Variants in CTTNBP2NL observed in about 807,000 individuals in gnomAD.
CTTNBP2NL encodes the protein CTTNBP2 N-terminal-like protein.
In CTTNBP2NL, 16 loss-of-function variants were observed where a neutral mutation model predicts 32.5. That is an observed-to-expected ratio of 0.49 (90% CI 0.33 to 0.75). The LOEUF (loss-of-function observed/expected upper bound fraction) is 0.75, where lower values mean the gene tolerates loss of function less well. Among genes scored for constraint, CTTNBP2NL ranks in the 30% least tolerant of loss-of-function variants. CTTNBP2NL has a pLI of 0.02. For synonymous variants in CTTNBP2NL, 298 were observed against 289.4 expected (o/e 1.03, Z -0.30); for missense variants, 645 against 756.0 (o/e 0.85, Z 1.72).
chr1:112,396,843 C>T (rs1473821429), intron 1 of CTTNBP2NL, among the ~76,000 whole-genome samples: 1 of 152,192 alleles, frequency 6.6e-6, no homozygotes, highest in African/African-American at 2.4e-5. Context: ...CTCAGTCTTC[C>T]TCCCGCAGCC....
rs545529616 is a variant in CTTNBP2NL at position 112,442,395 on chromosome 1, T to G, written c.100-6547T>G. Among the ~76,000 whole-genome samples the G allele has an allele frequency of 5.9e-5, 9 of 152,350 alleles. No individual in the cohort carries two copies. In the South Asian group the frequency reaches 1.7e-3, roughly 28 times the overall value. The stretch of plus-strand genomic sequence containing the variant: ...GCCTCGGCCAAAAATAAATTATTTT[T>G]AAATTATACTTTAAAATTCTTAATT... On this transcript the variant is annotated intron_variant, in intron 3 of 5. Transcript: ENST00000271277.
intron 1 of CTTNBP2NL, among the ~76,000 whole-genome samples, chr1:112,409,253 G>A (rs1440988196): frequency 1.3e-5 from 2 of 151,766 alleles, no homozygotes; most frequent in Admixed American, 6.6e-5. Context: ...CTTAATCTGA[G>A]TCATTTGTAG....
chr1:112,439,760 C>T (rs1478775122), intron 3 of CTTNBP2NL, among the ~76,000 whole-genome samples: 1 of 152,176 alleles, frequency 6.6e-6, no homozygotes, highest in African/African-American at 2.4e-5. Flanking sequence ...TACCCGAACC[C>T]TGCCAACCTC....
At chr1:112,436,822 T>C (rs1371942326) in intron 3 of CTTNBP2NL, among the ~76,000 whole-genome samples, 1 of 152,160 alleles carries the variant, frequency 6.6e-6, no homozygotes, top group African/African-American at 2.4e-5. Context: ...CACTGTCAAA[T>C]AGTCCCCAGT....
chr1:112,392,529 C>G (rs947075882), upstream of CTTNBP2NL, among the ~76,000 whole-genome samples: 3 of 152,064 alleles, frequency 2.0e-5, no homozygotes, highest in Non-Finnish European at 4.4e-5. Flanking sequence ...TGATGTCCCC[C>G]CAAAATTCAT....
intron 1 of CTTNBP2NL, among the ~76,000 whole-genome samples, chr1:112,407,326 G>C (rs1246014455): frequency 1.3e-5 from 2 of 152,172 alleles, no homozygotes; most frequent in Non-Finnish European, 2.9e-5. Flanking sequence ...AGATGGGGTG[G>C]CTTAAAAAAT....
intron 1 of CTTNBP2NL, among the ~76,000 whole-genome samples, chr1:112,400,294 TTC>T (rs1557882443): frequency 6.6e-6 from 1 of 152,184 alleles, no homozygotes; most frequent in African/African-American, 2.4e-5. Context: ...GAGAAAAATT[TTC>T]TGTCTTCACC....
chr1:112,455,350 A>T (rs1650331902), intron 5 of CTTNBP2NL, among the ~76,000 whole-genome samples: 1 of 152,156 alleles, frequency 6.6e-6, no homozygotes, highest in South Asian at 2.1e-4. Context: ...TACTAAAAAT[A>T]CAAAATTAGG....
chr1:112,448,433 A>G (rs1557896915), intron 3 of CTTNBP2NL, among the ~76,000 whole-genome samples: 1 of 152,242 alleles, frequency 6.6e-6, no homozygotes, highest in Non-Finnish European at 1.5e-5. Flanking sequence ...TAAACTCATA[A>G]AATTATCATA....
At chr1:112,435,124 C>A (rs1467118602) in intron 3 of CTTNBP2NL, among the ~76,000 whole-genome samples, 2 of 115,374 alleles carry the variant, frequency 1.7e-5, no homozygotes, top group Non-Finnish European at 3.2e-5. Context: ...GCCTGGGCAG[C>A]AGAGCAAGAC....
chr1:112,401,012 A>G (rs2100989802), intron 1 of CTTNBP2NL, among the ~76,000 whole-genome samples: 1 of 151,918 alleles, frequency 6.6e-6, no homozygotes, highest in South Asian at 2.1e-4. Context: ...ATATACACAC[A>G]TACACGTGCA....
At chr1:112,453,447 T>C (rs1386520163) in intron 4 of CTTNBP2NL, among the ~76,000 whole-genome samples, 2 of 151,890 alleles carry the variant, frequency 1.3e-5, no homozygotes, top group Non-Finnish European at 2.9e-5. Context: ...ATGTGAAAAA[T>C]GTCTCTTTAA....
At chr1:112,412,613 T>G (rs1289956914) in intron 2 of CTTNBP2NL, among the ~76,000 whole-genome samples, 1 of 137,012 alleles carries the variant, frequency 7.3e-6, no homozygotes, top group Non-Finnish European at 1.6e-5. Context: ...GGTACCTTTT[T>G]TTTTTTTTTT....
chr1:112,452,335 C>CTTCTTTTTTTTTTTTTTTTTTT lies in CTTNBP2NL; in HGVS notation c.331-2112_331-2111insCTTTTTTTTTTTTTTTTTTTTT, dbSNP rs1553227272. On this transcript the variant is annotated intron_variant, in intron 4 of 5. Coordinates refer to ENST00000271277, the MANE Select transcript of CTTNBP2NL (RefSeq NM_018704.3). ...GCATACACCACAGCACCAGTCTCTT[C>CTTCTTTTTTTTTTTTTTTTTTT]TTTTTTTTTTTTTTTTTTTTTTTTT... 6.5e-4 allele frequency among the ~76,000 whole-genome samples: 43 copies of CTTCTTTTTTTTTTTTTTTTTTT among 65,716 alleles called. 2 individuals are homozygous for CTTCTTTTTTTTTTTTTTTTTTT. The highest frequency in any genetic ancestry group is 2.5e-3 in the African/African-American group (41 of 16,408). The allele number at this position is 65,716 out of a possible 152,430, so 43.1% of individuals were successfully genotyped here. A position where few individuals can be genotyped will look rare whatever the true frequency, so the allele number is the denominator to read the frequency against.
chr1:112,416,784 G>A (rs189857980), intron 3 of CTTNBP2NL, among the ~76,000 whole-genome samples: 2 of 152,174 alleles, frequency 1.3e-5, no homozygotes, highest in Admixed American at 6.5e-5. Flanking sequence ...GAGCCACCAC[G>A]CCCGGCAGAA....
At chr1:112,440,310 A>G (rs1375830207) in intron 3 of CTTNBP2NL, among the ~76,000 whole-genome samples, 1 of 152,210 alleles carries the variant, frequency 6.6e-6, no homozygotes, top group Non-Finnish European at 1.5e-5. Context: ...CGACTTTATA[A>G]CATTAGTTAG....
At chr1:112,406,683 CTAT>C (rs1409814912) in intron 1 of CTTNBP2NL, among the ~76,000 whole-genome samples, 1 of 152,036 alleles carries the variant, frequency 6.6e-6, no homozygotes, top group Non-Finnish European at 1.5e-5. Context: ...TTCATTATTA[CTAT>C]TATTGTTTAA....
rs943709313 is a variant in CTTNBP2NL at position 112,456,086 on chromosome 1, G to A, written c.594G>A (p.Gln198=). Residue 198 remains glutamine, a synonymous_variant, in exon 6 of 6, where the codon CAG becomes CAA. Transcript: ENST00000271277. ...KATNKAAEEG[Q]KAGELSLKLE... ...CCAACAAGGCAGCCGAGGAAGGACA[G>A]AAGGCAGGAGAGCTGAGCCTGAAAT... 6.2e-7 allele frequency: 1 copy of A among 1,614,218 alleles called. No individual in the cohort carries two copies. Among genetic ancestry groups the A allele is most frequent in the South Asian group, 1.1e-5 (1 of 91,080 alleles).
At chr1:112,417,666 G>T (rs1649105303) in intron 3 of CTTNBP2NL, among the ~76,000 whole-genome samples, 1 of 152,118 alleles carries the variant, frequency 6.6e-6, no homozygotes, top group African/African-American at 2.4e-5. Context: ...GCTTAACTCT[G>T]TGCAGTTTAG....
Sources: gnomAD v4.1 joint callset for allele counts (sites outside exome capture counted in the v4.1 genomes callset) on GRCh38, gnomAD v4.1.1 for gene constraint, MANE v1.5 for transcripts, NCBI Gene and HGNC (gene_info 2026-07-23, HGNC 2026-07-21) for gene names.